The following ARK2N variants were observed in gnomAD, a reference collection of about 807,000 sequenced individuals.
ARK2N encodes the protein arkadia (RNF111) N-terminal like PKA signaling regulator 2N.
chr18:46,205,647 C>T, the ARK2N span, among the ~76,000 whole-genome samples: 17 of 152,156 alleles, frequency 1.1e-4, no homozygotes, highest in African/African-American at 3.9e-4. Context: ...ATGTATTTAG[C>T]CATCATCTGT....
chr18:46,212,612 T>C, the ARK2N span, among the ~76,000 whole-genome samples: 3 of 152,192 alleles, frequency 2.0e-5, no homozygotes, highest in African/African-American at 7.2e-5. Flanking sequence ...TGTGATTGAT[T>C]TGAGCATATT....
the ARK2N span, among the ~76,000 whole-genome samples, chr18:46,186,021 G>A: frequency 6.6e-6 from 1 of 151,824 alleles, no homozygotes; most frequent in Non-Finnish European, 1.5e-5. Flanking sequence ...GCAAAACTTC[G>A]AAAATACCTT....
chr18:46,178,717 C>A, the ARK2N span, among the ~76,000 whole-genome samples: 1 of 151,976 alleles, frequency 6.6e-6, no homozygotes, highest in Non-Finnish European at 1.5e-5. Flanking sequence ...GCCCAGGAGA[C>A]CAGCCTGGGC....
the ARK2N span, among the ~76,000 whole-genome samples, chr18:46,178,362 G>T: frequency 6.6e-6 from 1 of 152,100 alleles, no homozygotes; most frequent in Admixed American, 6.6e-5. Context: ...GCCCAGGCTG[G>T]AGTGCAATGG....
chr18:46,207,536 C>T, the ARK2N span, among the ~76,000 whole-genome samples: 1 of 151,820 alleles, frequency 6.6e-6, no homozygotes, highest in African/African-American at 2.4e-5. Flanking sequence ...ATTACAGGCG[C>T]ATGCCACAGT....
the ARK2N span, chr18:46,231,762 G>GA: frequency 7.2e-6 from 1 of 139,622 alleles, no homozygotes; most frequent in Admixed American, 7.2e-5. Context: ...TTTGTTTTTT[G>GA]TTTTTTTTTG....
the ARK2N span, among the ~76,000 whole-genome samples, chr18:46,202,672 C>T: frequency 0.017 from 2,636 of 151,568 alleles, 71 homozygotes; most frequent in African/African-American, 0.06. Context: ...CCTGTAATCC[C>T]GGCTACTCAG....
chr18:46,244,983 G>T, the ARK2N span, among the ~76,000 whole-genome samples: 9 of 152,084 alleles, frequency 5.9e-5, no homozygotes, highest in Non-Finnish European at 1.0e-4. Flanking sequence ...GCTCAGGCTG[G>T]ATGCGGTGGC....
chr18:46,240,825 A>G, the ARK2N span, among the ~76,000 whole-genome samples: 2 of 152,326 alleles, frequency 1.3e-5, no homozygotes, highest in Admixed American at 6.5e-5. Context: ...TACCTTTGAA[A>G]AACTTTCACA....
the ARK2N span, chr18:46,233,063 A>G: frequency 3.9e-5 from 6 of 152,176 alleles, no homozygotes; most frequent in African/African-American, 1.4e-4. Context: ...TCTAGTTAAT[A>G]TAACAATAGA....
chr18:46,218,196 A>G, the ARK2N span: 23 of 152,324 alleles, frequency 1.5e-4, no homozygotes, highest in East Asian at 3.7e-3. Flanking sequence ...TTTTGCTTAA[A>G]TAGGTTAGAT....
the ARK2N span, among the ~76,000 whole-genome samples, chr18:46,196,524 G>A: frequency 6.6e-6 from 1 of 152,196 alleles, no homozygotes; most frequent in Non-Finnish European, 1.5e-5. Context: ...GCCTCCCAAA[G>A]TGCTGGGATT....
the ARK2N span, among the ~76,000 whole-genome samples, chr18:46,244,999 C>G: frequency 5.9e-5 from 9 of 151,982 alleles, no homozygotes; most frequent in South Asian, 2.1e-4. Flanking sequence ...GTGGCAGTCT[C>G]CGCTCATTGC....
At chr18:46,176,557 C>A in the ARK2N span, among the ~76,000 whole-genome samples, 1 of 151,642 alleles carries the variant, frequency 6.6e-6, no homozygotes, top group Non-Finnish European at 1.5e-5. Context: ...CGAGCTCAAG[C>A]ATTCCTCCCA....
the ARK2N span, among the ~76,000 whole-genome samples, chr18:46,243,086 AT>A: frequency 5.3e-5 from 8 of 151,238 alleles, no homozygotes; most frequent in South Asian, 2.1e-4. Flanking sequence ...TTTCAAAGGC[AT>A]TTTTTTTTCT....
At chr18:46,191,353 T>A in the ARK2N span, among the ~76,000 whole-genome samples, 1 of 152,002 alleles carries the variant, frequency 6.6e-6, no homozygotes, top group Admixed American at 6.6e-5. Flanking sequence ...TATTTAATTT[T>A]TTTTTTTTTG....
At chr18:46,248,458 G>A in the ARK2N span, among the ~76,000 whole-genome samples, 2 of 152,220 alleles carry the variant, frequency 1.3e-5, no homozygotes, top group South Asian at 4.1e-4. Flanking sequence ...CTTATATTTT[G>A]TAGGTAGCTA....
At chr18:46,205,476 G>A in the ARK2N span, among the ~76,000 whole-genome samples, 1 of 152,120 alleles carries the variant, frequency 6.6e-6, no homozygotes, top group South Asian at 2.1e-4. Flanking sequence ...ATTTCGAGAA[G>A]GAATGTTTTC....
At chr18:46,211,794 T>C in the ARK2N span, among the ~76,000 whole-genome samples, 3 of 152,226 alleles carry the variant, frequency 2.0e-5, no homozygotes. Context: ...TATTTATTAC[T>C]TCACTGAATA....
Sources: allele counts gnomAD v4.1 joint callset (sites outside exome capture counted in the v4.1 genomes callset), GRCh38; gene constraint gnomAD v4.1.1; transcripts MANE v1.5; gene names NCBI Gene and HGNC (gene_info 2026-07-23, HGNC 2026-07-21).